Variants in RIOK2 observed in about 807,000 individuals in gnomAD.
RIOK2 encodes RIO kinase 2.
RIOK2 carries 46 observed loss-of-function variants against 62.4 expected under a neutral mutation model. The observed-to-expected ratio is 0.74, with a 90% CI of 0.58 to 0.94. RIOK2 has a LOEUF of 0.94. Ranked by LOEUF, RIOK2 falls within the 40% of genes least tolerant of loss-of-function variation. The pLI, the probability that RIOK2 is intolerant of heterozygous loss-of-function variation, is 0.00. For missense variants in RIOK2, 574 were observed against 658.0 expected (o/e 0.87, Z 1.40); for synonymous variants, 197 against 216.0 (o/e 0.91, Z 0.77).
intron 7 of RIOK2, among the ~76,000 whole-genome samples, chr5:97,168,442 C>T (rs1748906484): frequency 1.3e-5 from 2 of 152,070 alleles, no homozygotes; most frequent in Non-Finnish European, 2.9e-5. Context: ...AAAGGAAAAA[C>T]ACAAATTTCA....
chr5:97,183,059 T>G, intron 1 of RIOK2, 67 bp downstream of exon 1: 1 of 1,552,920 alleles, frequency 6.4e-7, no homozygotes, highest in South Asian at 1.1e-5. Flanking sequence ...CCCAGAAAAC[T>G]TGCAGGAACA....
At chr5:97,167,211 TGTGCCCA>T in intron 8 of RIOK2, 1 of 1,361,360 alleles carries the variant, frequency 7.3e-7, no homozygotes, top group East Asian at 2.9e-5. Flanking sequence ...AGCGAGCCAC[TGTGCCCA>T]GCCATCAGTT....
chr5:97,177,170 C>T lies in RIOK2; in HGVS notation c.444G>A (p.Val148=). ...AGAGACGAGATAAATATAGCCATGA[C>T]ACATTGTGCCTATGTTTATGATAAT... ...KRDYHKHRHN[V]SWLYLSRLSA... The change falls in exon 4 of 10, where the codon GTG becomes GTA. Residue 148 remains valine, a synonymous_variant. Coordinates refer to ENST00000283109, the MANE Select transcript of RIOK2 (RefSeq NM_018343.3). The T allele has an allele frequency of 6.2e-7, 1 of 1,613,016 alleles. No individual in the cohort carries two copies.
chr5:97,174,633 T>TTC (rs763990133), intron 4 of RIOK2, among the ~76,000 whole-genome samples: 5 of 152,012 alleles, frequency 3.3e-5, no homozygotes, highest in Non-Finnish European at 5.9e-5. Flanking sequence ...CCCATACCAC[T>TTC]TCTCTGCCAA....
At chr5:97,182,545 C>A (rs1485482872) in intron 1 of RIOK2, among the ~76,000 whole-genome samples, 4 of 152,170 alleles carry the variant, frequency 2.6e-5, no homozygotes, top group African/African-American at 9.7e-5. Flanking sequence ...CTCCTCTCCA[C>A]CAGATACATA....
At chr5:97,176,455 C>T (rs1451107079) in intron 4 of RIOK2, among the ~76,000 whole-genome samples, 1 of 152,156 alleles carries the variant, frequency 6.6e-6, no homozygotes, top group African/African-American at 2.4e-5. Flanking sequence ...GATTTTCCTG[C>T]TTCAGTCTCC....
chr5:97,168,710 G>A, intron 7 of RIOK2, 50 bp downstream of exon 7: 1 of 1,126,936 alleles, frequency 8.9e-7, no homozygotes, highest in South Asian at 1.7e-5. Flanking sequence ...GAAATACACA[G>A]ACCAGATATT....
In RIOK2 at chr5:97,170,563, C is replaced by T. The variant is rs147283388; in HGVS notation, c.779+643G>A. Among the ~76,000 whole-genome samples, 1,025 of 152,312 alleles carry T rather than the reference C, an allele frequency of 6.7e-3. 7 individuals carry two copies. Among genetic ancestry groups the T allele is most frequent in the Middle Eastern group, 0.024 (7 of 294 alleles). ...AAAGTGGTTCTAGAGTTCCCCACTA[C>T]ACTCCCTACTTTTACCTGTTTTAAC... On this transcript the variant is annotated intron_variant, in intron 6 of 9. Transcript: ENST00000283109.
At chr5:97,168,671 A>G (rs1358510388) in intron 7 of RIOK2, 89 bp downstream of exon 7, 1 of 826,038 alleles carries the variant, frequency 1.2e-6, no homozygotes, top group African/African-American at 1.7e-5. Flanking sequence ...AAATTTGGAA[A>G]GTTTTTTAGA....
chr5:97,179,057 T>G lies in RIOK2; in HGVS notation c.203A>C (p.Lys68Thr), dbSNP rs1180224682. The change falls in exon 2 of 10, where the codon AAA (lysine) becomes ACA (threonine). Residue 68 changes from lysine to threonine, a missense_variant and splice_region_variant. By Grantham distance (78) the Lys-to-Thr change is moderately conservative. Transcript: ENST00000283109. ...KHKLIAWERT[K>T]TVQGYRLTNA... ...AAATGGTGCCTCAAAATACTTACTT[T>G]TGGTACGCTCCCAAGCTATGAGTTT... 2 of 1,613,808 alleles carry G rather than the reference T, an allele frequency of 1.2e-6. No homozygotes were observed. Among genetic ancestry groups the G allele is most frequent in the African/African-American group, 1.3e-5 (1 of 74,932 alleles).
At position 97,182,785 on chromosome 5, in the gene RIOK2, G is replaced by C. The variant is rs6887704; in HGVS notation, c.66+341C>G. On this transcript the variant is annotated intron_variant, in intron 1 of 9. Coordinates refer to ENST00000283109, the MANE Select transcript of RIOK2 (RefSeq NM_018343.3). ...GTCAATATTATCAAATCTCGGGGGG[G>C]GGGGGGGGCTTAAACCTTTCACAGC... 4.6e-4 allele frequency: 108 copies of C among 235,264 alleles called. 3 individuals carry two copies. Among genetic ancestry groups the C allele is most frequent in the African/African-American group, 2.1e-3 (87 of 42,286 alleles). 14.6% of individuals were successfully genotyped at this position (235,264 alleles called of 1,614,324 possible).
At chr5:97,170,535 AC>A in intron 6 of RIOK2, among the ~76,000 whole-genome samples, 1 of 152,202 alleles carries the variant, frequency 6.6e-6, no homozygotes. Context: ...AAAGGGAAAG[AC>A]AAAAGTGGTT....
At chr5:97,178,577 C>T (rs1262387138) in intron 2 of RIOK2, among the ~76,000 whole-genome samples, 1 of 150,300 alleles carries the variant, frequency 6.7e-6, no homozygotes, top group African/African-American at 2.5e-5. Context: ...ACGTGCTCTT[C>T]TGTACTCTAC....
rs140474071 is a variant in RIOK2 at position 97,179,141 on chromosome 5, G to A, written c.119C>T (p.Ser40Phe). The A allele has an allele frequency of 1.4e-5, 22 of 1,613,684 alleles. No individual in the cohort carries two copies. Among genetic ancestry groups the A allele is most frequent in the Non-Finnish European group, 1.4e-5 (16 of 1,179,848 alleles). Residue 40 changes from serine to phenylalanine, a missense_variant, in exon 2 of 10, where the codon TCT (serine) becomes TTT (phenylalanine). Coordinates refer to ENST00000283109, the MANE Select transcript of RIOK2 (RefSeq NM_018343.3). ...HEIVPGSLIASIASLKHGGCN... is the reference protein window; with the variant it reads ...HEIVPGSLIAFIASLKHGGCN... ...GCCACCATGTTTAAGGCTGGCTATA[G>A]AAGCAATCAAACTGCCGGGAACAAT...
In RIOK2 at chr5:97,174,771, TA is replaced by T. The variant is rs549855467; in HGVS notation, c.499-1509del. ...AGTTTCTCTAAATTCAGTATATAATTAAAAAAAAAATTGTTCTTAGACTTGC... is the reference window on the plus strand; with the variant it reads ...AGTTTCTCTAAATTCAGTATATAATTAAAAAAAAATTGTTCTTAGACTTGC... On this transcript the variant is annotated intron_variant, in intron 4 of 9. Transcript: ENST00000283109. Among the ~76,000 whole-genome samples, 1,413 of 150,456 alleles carry T rather than the reference TA, an allele frequency of 9.4e-3. 26 individuals are homozygous for T. The highest frequency in any genetic ancestry group is 0.032 in the African/African-American group (1,333 of 41,062).
intron 8 of RIOK2, chr5:97,166,360 A>G (rs1748841478): frequency 2.2e-6 from 1 of 453,822 alleles, no homozygotes; most frequent in East Asian, 7.0e-5. Context: ...GCCCTGTGAC[A>G]CAGATACACA....
At chr5:97,182,073 G>A (rs894644783) in intron 1 of RIOK2, among the ~76,000 whole-genome samples, 34 of 152,064 alleles carry the variant, frequency 2.2e-4, no homozygotes, top group Non-Finnish European at 3.1e-4. Context: ...CACAATATAG[G>A]TAGTCCTTAT....
rs1285642361 is a variant in RIOK2 at position 97,162,715 on chromosome 5, C to A, written c.*346G>T. On this transcript the variant is annotated 3_prime_UTR_variant, in exon 10 of 10. Transcript: ENST00000283109. The stretch of plus-strand genomic sequence containing the variant: ...TCTAATAGCCATGTTTTATTGAATG[C>A]TTAAGAATGTGCTAAACATTGTTCT... 1.1e-5 allele frequency: 2 copies of A among 174,390 alleles called. No homozygotes were observed. The highest frequency in any genetic ancestry group is 1.5e-4 in the South Asian group (1 of 6,718). 10.8% of individuals were successfully genotyped at this position (174,390 alleles called of 1,614,324 possible).
At chr5:97,179,991 A>AT (rs1561522013) in intron 1 of RIOK2, among the ~76,000 whole-genome samples, 2 of 43,314 alleles carry the variant, frequency 4.6e-5, no homozygotes, top group African/African-American at 2.3e-4. Flanking sequence ...TATATATATA[A>AT]AATATATATA....
Sources: gnomAD v4.1 joint callset for allele counts (sites outside exome capture counted in the v4.1 genomes callset) on GRCh38, gnomAD v4.1.1 for gene constraint, MANE v1.5 for transcripts, NCBI Gene and HGNC (gene_info 2026-07-23, HGNC 2026-07-21) for gene names.